TRAPPC9: variants seen among roughly 807,000 people sequenced by gnomAD.
TRAPPC9 encodes trafficking protein particle complex subunit 9, also known as IKK2 binding protein.
In TRAPPC9, 83 loss-of-function variants were observed where a neutral mutation model predicts 124.0. The ratio of observed to expected loss-of-function variants is 0.67; its 90% CI spans 0.56 to 0.80. The LOEUF is 0.80. Ranked by LOEUF, TRAPPC9 falls within the 30% of genes least tolerant of loss-of-function variation. TRAPPC9 has a pLI of 0.00. For missense variants in TRAPPC9, 1,302 were observed against 1,508.3 expected, an observed-to-expected ratio of 0.86 and a Z score of 2.27; for synonymous variants, 638 against 617.5, an observed-to-expected ratio of 1.03 and a Z score of -0.49.
intron 17 of TRAPPC9, among the ~76,000 whole-genome samples, chr8:140,125,954 G>A (rs1049062801): frequency 2.0e-5 from 3 of 152,064 alleles, no homozygotes; most frequent in African/African-American, 7.2e-5. Context: ...TGAAAGTGAA[G>A]AAGTGGTGTT....
At chr8:139,777,835 C>A (rs930761853) in intron 21 of TRAPPC9, among the ~76,000 whole-genome samples, 1 of 152,178 alleles carries the variant, frequency 6.6e-6, no homozygotes, top group Non-Finnish European at 1.5e-5. Flanking sequence ...ATCATCCCAG[C>A]TCATTGTGAC....
intron 15 of TRAPPC9, among the ~76,000 whole-genome samples, chr8:140,253,614 G>T (rs979687275): frequency 1.3e-5 from 2 of 151,874 alleles, no homozygotes; most frequent in African/African-American, 4.8e-5. Context: ...GCAGGCAGAG[G>T]TTGCAATGAG....
chr8:139,963,377 G>A (rs1302657379), intron 19 of TRAPPC9, among the ~76,000 whole-genome samples: 2 of 152,168 alleles, frequency 1.3e-5, no homozygotes, highest in Admixed American at 1.3e-4. Flanking sequence ...GCTTCCCAAG[G>A]ATGGCTGAGG....
rs1177286944 is a variant in TRAPPC9 at position 140,443,131 on chromosome 8, C to CAAAAAAA, written c.585-3941_585-3935dup. On this transcript the variant is annotated intron_variant, in intron 2 of 22. Coordinates refer to ENST00000438773, the MANE Select transcript of TRAPPC9 (RefSeq NM_001160372.4). Reference sequence around the variant, plus strand: ...CTGGCAACGGAGCGAGACTCCATCTCAAAAAAAAAAAAAAAAAAAAAAAGC... The same window carrying CAAAAAAA: ...CTGGCAACGGAGCGAGACTCCATCTCAAAAAAAAAAAAAAAAAAAAAAAAAAAAAAGC... Among the ~76,000 whole-genome samples, 36 of 43,982 alleles carry CAAAAAAA rather than the reference C, an allele frequency of 8.2e-4. 3 individuals carry two copies. Among genetic ancestry groups the CAAAAAAA allele is most frequent in the Non-Finnish European group, 1.1e-3 (26 of 24,294 alleles). The allele number at this position is 43,982 out of a possible 152,430, so 28.9% of individuals were successfully genotyped here.
chr8:140,163,111 T>A (rs1324315709), intron 17 of TRAPPC9, among the ~76,000 whole-genome samples: 3 of 152,226 alleles, frequency 2.0e-5, no homozygotes, highest in East Asian at 3.8e-4. Flanking sequence ...CCTGCCCAGT[T>A]CCTGCAAGAA....
intron 15 of TRAPPC9, among the ~76,000 whole-genome samples, chr8:140,256,309 C>A (rs2064257197): frequency 6.6e-6 from 1 of 152,250 alleles, no homozygotes; most frequent in Non-Finnish European, 1.5e-5. Context: ...GGGAAAAGAA[C>A]TTCAAAGCCA....
At chr8:140,240,283 T>C (rs1256481101) in intron 16 of TRAPPC9, among the ~76,000 whole-genome samples, 1 of 152,116 alleles carries the variant, frequency 6.6e-6, no homozygotes, top group East Asian at 1.9e-4. Context: ...GAGATTCTAA[T>C]GGGAGCTCAC....
chr8:139,981,797 C>G (rs906085896), intron 19 of TRAPPC9, among the ~76,000 whole-genome samples: 1 of 152,218 alleles, frequency 6.6e-6, no homozygotes, highest in Non-Finnish European at 1.5e-5. Context: ...GGGCTCTTCC[C>G]TGCCCCTCTC....
rs540406647 is a variant in TRAPPC9 at position 140,175,080 on chromosome 8, G to T, written c.2556+46379C>A. Among the ~76,000 whole-genome samples the T allele has an allele frequency of 4.0e-5, 6 of 151,522 alleles. No homozygotes were observed. In the South Asian group the frequency reaches 1.3e-3, roughly 32 times the overall value. The stretch of plus-strand genomic sequence containing the variant: ...TTAGAATTTAACAGACAACAAAAAT[G>T]GGGAGTACATGGTGTTGCCTGGTTT... On this transcript the variant is annotated intron_variant, in intron 17 of 22. Coordinates refer to ENST00000438773, the MANE Select transcript of TRAPPC9 (RefSeq NM_001160372.4).
At chr8:139,744,739 G>C (rs560053984) in intron 21 of TRAPPC9, among the ~76,000 whole-genome samples, 3 of 152,362 alleles carry the variant, frequency 2.0e-5, no homozygotes, top group African/African-American at 7.2e-5. Context: ...GGCATCCTGG[G>C]AGGGCGGTGG....
intron 17 of TRAPPC9, among the ~76,000 whole-genome samples, chr8:140,111,092 A>T (rs2060767194): frequency 6.8e-6 from 1 of 148,084 alleles, no homozygotes; most frequent in African/African-American, 2.5e-5. Context: ...TCCCTTCACC[A>T]CCCAGGTCCT....
chr8:139,779,574 T>A (rs891850690), intron 21 of TRAPPC9, among the ~76,000 whole-genome samples: 1 of 152,160 alleles, frequency 6.6e-6, no homozygotes, highest in Non-Finnish European at 1.5e-5. Flanking sequence ...TAGGGAGGAT[T>A]GCAACTACAT....
At chr8:140,034,606 A>AT (rs1258918504) in intron 17 of TRAPPC9, among the ~76,000 whole-genome samples, 1 of 152,244 alleles carries the variant, frequency 6.6e-6, no homozygotes, top group African/African-American at 2.4e-5. Flanking sequence ...CCCCACATGC[A>AT]TTCCGTTTAA....
chr8:140,259,776 C>T (rs914773467), intron 15 of TRAPPC9, among the ~76,000 whole-genome samples: 16 of 152,294 alleles, frequency 1.1e-4, no homozygotes, highest in South Asian at 8.3e-4. Context: ...AGTGAGTGCA[C>T]GTTAGGGTTA....
At chr8:140,145,420 A>T (rs957938400) in intron 17 of TRAPPC9, among the ~76,000 whole-genome samples, 1 of 152,006 alleles carries the variant, frequency 6.6e-6, no homozygotes, top group African/African-American at 2.4e-5. Context: ...TTTCCTAGAG[A>T]TTTTTGACAG....
chr8:140,279,030 G>A lies in TRAPPC9; in HGVS notation c.2115-3209C>T, dbSNP rs190514925. The stretch of plus-strand genomic sequence containing the variant: ...CTGCGCCATGGTCTGTATTTATTGG[G>A]TTGGTTGACTTGTTGTTCCCTCTTC... On this transcript the variant is annotated intron_variant, in intron 14 of 22. Transcript: ENST00000438773. 7.2e-5 allele frequency among the ~76,000 whole-genome samples: 11 copies of A among 152,312 alleles called. No individual in the cohort carries two copies. In the East Asian group the frequency reaches 2.1e-3, roughly 29 times the overall value.
intron 17 of TRAPPC9, among the ~76,000 whole-genome samples, chr8:140,208,596 G>T (rs2062983268): frequency 6.6e-6 from 1 of 152,228 alleles, no homozygotes; most frequent in Non-Finnish European, 1.5e-5. Context: ...AAGACACACT[G>T]GAAGAGCAGA....
intron 18 of TRAPPC9, among the ~76,000 whole-genome samples, chr8:140,013,527 CCAAA>C (rs553353424): frequency 2.8e-4 from 42 of 152,292 alleles, no homozygotes; most frequent in Non-Finnish European, 2.2e-4. Flanking sequence ...CTGCTGCTGC[CCAAA>C]CAAAGAGTCA....
chr8:139,749,848 C>A (rs191605991), intron 21 of TRAPPC9, among the ~76,000 whole-genome samples: 42 of 152,292 alleles, frequency 2.8e-4, no homozygotes, highest in Admixed American at 6.5e-4. Context: ...GAGAGCACCT[C>A]CCTGCTGAGA....
Sources: allele counts gnomAD v4.1 joint callset (sites outside exome capture counted in the v4.1 genomes callset), GRCh38; gene constraint gnomAD v4.1.1; transcripts MANE v1.5; gene names NCBI Gene and HGNC (gene_info 2026-07-23, HGNC 2026-07-21).